Variants in DAP observed in about 807,000 individuals in gnomAD.
DAP encodes death-associated protein 1.
DAP carries 8 observed loss-of-function variants against 13.8 expected under a neutral mutation model. The observed-to-expected ratio is 0.58, with a 90% CI of 0.34 to 1.05. The LOEUF (loss-of-function observed/expected upper bound fraction) is 1.05, where lower values mean the gene tolerates loss of function less well. Among genes scored for constraint, DAP ranks in the 50% least tolerant of loss-of-function variants. The probability of loss-of-function intolerance (pLI) is 0.03; values close to 1 mark genes in which losing one functional copy is unlikely to be tolerated. For synonymous variants in DAP, 47 were observed against 47.5 expected, an observed-to-expected ratio of 0.99 and a Z score of 0.04; for missense variants, 106 against 133.2, an observed-to-expected ratio of 0.80 and a Z score of 1.01.
intron 3 of DAP, 32 bp from the exon 4 acceptor site, chr5:10,681,201 CA>C (rs1737982233): frequency 3.4e-6 from 5 of 1,452,174 alleles, no homozygotes; most frequent in Non-Finnish European, 4.6e-6. Context: ...TCAGGTTAAT[CA>C]ATAGGAAGCA....
Position 10,761,128 on chromosome 5 carries a change from T to TGCGC in DAP, c.-64_-61dup. The TGCGC allele has an allele frequency of 2.9e-6, 3 of 1,018,724 alleles. No homozygotes were observed. The highest frequency in any genetic ancestry group is 1.2e-6 in the Non-Finnish European group (1 of 801,514). 63.1% of individuals were successfully genotyped at this position (1,018,724 alleles called of 1,614,324 possible). ...GCGCGGTTCTCGGGCCGGGCGGGCG[T>TGCGC]GCGCGAGTGAGCTCAGGTGTGAGCG... On this transcript the variant is annotated 5_prime_UTR_variant, in exon 1 of 4. Transcript: ENST00000230895.
intron 2 of DAP, among the ~76,000 whole-genome samples, chr5:10,711,222 C>T (rs1303534090): frequency 6.6e-6 from 1 of 152,222 alleles, no homozygotes; most frequent in African/African-American, 2.4e-5. Flanking sequence ...ACCTCGGGAT[C>T]AGCAGGGCCA....
chr5:10,754,220 G>A (rs1259273798), intron 1 of DAP, among the ~76,000 whole-genome samples: 1 of 152,222 alleles, frequency 6.6e-6, no homozygotes, highest in Non-Finnish European at 1.5e-5. Flanking sequence ...TATGCAGAGA[G>A]TGGGTACTGA....
intron 2 of DAP, among the ~76,000 whole-genome samples, chr5:10,688,107 G>A (rs1242524339): frequency 6.6e-6 from 1 of 151,914 alleles, no homozygotes; most frequent in African/African-American, 2.4e-5. Flanking sequence ...GTAGAGACAG[G>A]GTTTTGTCAC....
intron 2 of DAP, among the ~76,000 whole-genome samples, chr5:10,692,087 C>G (rs1738322964): frequency 6.6e-6 from 1 of 152,158 alleles, no homozygotes; most frequent in Non-Finnish European, 1.5e-5. Context: ...GTTTGATGGT[C>G]TCATCTTTAA....
chr5:10,717,593 G>C (rs540969617), intron 2 of DAP, among the ~76,000 whole-genome samples: 1 of 152,324 alleles, frequency 6.6e-6, no homozygotes, highest in South Asian at 2.1e-4. Context: ...TGCGCTGCCT[G>C]AGGGAACAGT....
intron 1 of DAP, among the ~76,000 whole-genome samples, chr5:10,756,789 T>C (rs184460462): frequency 4.3e-4 from 66 of 152,356 alleles, no homozygotes; most frequent in African/African-American, 1.3e-3. Flanking sequence ...AAATGAGTAA[T>C]AGCGAGGCTT....
At chr5:10,713,308 T>C (rs894142088) in intron 2 of DAP, among the ~76,000 whole-genome samples, 1 of 152,164 alleles carries the variant, frequency 6.6e-6, no homozygotes, top group African/African-American at 2.4e-5. Flanking sequence ...GCTAACCAAG[T>C]CTAGGATCTG....
chr5:10,683,858 T>A (rs1738094338), intron 2 of DAP, among the ~76,000 whole-genome samples: 1 of 152,032 alleles, frequency 6.6e-6, no homozygotes. Context: ...AGGGACAGGG[T>A]CTCTGTCACC....
At chr5:10,695,860 C>A (rs971289933) in intron 2 of DAP, among the ~76,000 whole-genome samples, 4 of 151,900 alleles carry the variant, frequency 2.6e-5, no homozygotes, top group Non-Finnish European at 5.9e-5. Context: ...CAAAACTTCA[C>A]AGAGATTTTT....
chr5:10,696,936 T>C (rs1207850861), intron 2 of DAP, among the ~76,000 whole-genome samples: 1 of 152,132 alleles, frequency 6.6e-6, no homozygotes. Context: ...GCCTGAACAA[T>C]TCAAACAGTA....
intron 2 of DAP, among the ~76,000 whole-genome samples, chr5:10,720,653 A>G (rs1480401838): frequency 6.6e-6 from 1 of 152,224 alleles, no homozygotes; most frequent in Non-Finnish European, 1.5e-5. Context: ...CCATTCACCA[A>G]GGCTGACTTG....
intron 2 of DAP, among the ~76,000 whole-genome samples, chr5:10,725,676 G>C (rs1362286111): frequency 6.6e-6 from 1 of 152,248 alleles, no homozygotes. Flanking sequence ...TTAAACATTT[G>C]AAGTAGGATT....
intron 2 of DAP, among the ~76,000 whole-genome samples, chr5:10,689,941 A>C (rs1206542855): frequency 6.6e-6 from 1 of 152,194 alleles, no homozygotes; most frequent in African/African-American, 2.4e-5. Flanking sequence ...AACAGTGTGC[A>C]TTCCACCTAA....
intron 2 of DAP, among the ~76,000 whole-genome samples, chr5:10,699,742 G>C (rs768032747): frequency 7.7e-6 from 1 of 130,524 alleles, no homozygotes; most frequent in Non-Finnish European, 1.6e-5. Context: ...GGAATGAAAG[G>C]GCAGGGGCAG....
At chr5:10,698,282 C>CA (rs71613386) in intron 2 of DAP, among the ~76,000 whole-genome samples, 8,586 of 42,708 alleles carry the variant, frequency 0.2, 1,499 homozygotes, top group Middle Eastern at 0.3. Flanking sequence ...CCAGACTTAG[C>CA]AAAAAAAAAA....
chr5:10,705,570 G>C (rs1738678973), intron 2 of DAP, among the ~76,000 whole-genome samples: 1 of 152,182 alleles, frequency 6.6e-6, no homozygotes, highest in Admixed American at 6.5e-5. Flanking sequence ...TTCCATGCAG[G>C]GCCACATGCC....
At chr5:10,694,387 T>TACACACAC (rs3836779) in intron 2 of DAP, among the ~76,000 whole-genome samples, 2 of 149,166 alleles carry the variant, frequency 1.3e-5, no homozygotes, top group Non-Finnish European at 3.0e-5. Flanking sequence ...TATATGTGCA[T>TACACACAC]ACACACACAC....
At chr5:10,681,453 G>A (rs1378884132) in intron 3 of DAP, among the ~76,000 whole-genome samples, 7 of 137,218 alleles carry the variant, frequency 5.1e-5, no homozygotes, top group African/African-American at 1.9e-4. Context: ...AAGCATGGCG[G>A]TTGTATGTGA....
Sources: gnomAD v4.1 joint callset for allele counts (sites outside exome capture counted in the v4.1 genomes callset) on GRCh38, gnomAD v4.1.1 for gene constraint, MANE v1.5 for transcripts, NCBI Gene and HGNC (gene_info 2026-07-23, HGNC 2026-07-21) for gene names.